DNMBP: variants seen among roughly 807,000 people sequenced by gnomAD.
The protein encoded by DNMBP is dynamin binding protein.
In DNMBP, 87 loss-of-function variants were observed where a neutral mutation model predicts 150.0. The ratio of observed to expected loss-of-function variants is 0.58; its 90% CI spans 0.49 to 0.69. The LOEUF is 0.69. Ranked by LOEUF, DNMBP falls within the 30% of genes least tolerant of loss-of-function variation. The pLI, the probability that DNMBP is intolerant of heterozygous loss-of-function variation, is 0.00. For missense variants in DNMBP, 1,774 were observed against 1,949.0 expected (o/e 0.91, Z 1.69); for synonymous variants, 711 against 750.4 (o/e 0.95, Z 0.86).
At chr10:99,958,957 T>C (rs1343085534) in intron 3 of DNMBP, among the ~76,000 whole-genome samples, 1 of 152,262 alleles carries the variant, frequency 6.6e-6, no homozygotes, top group Non-Finnish European at 1.5e-5. Context: ...TTTGCAATTA[T>C]TTGAAAAGAC....
intron 1 of DNMBP, among the ~76,000 whole-genome samples, chr10:99,988,017 G>C: frequency 6.6e-6 from 1 of 152,122 alleles, no homozygotes; most frequent in East Asian, 1.9e-4. Context: ...CCTGCTCAGA[G>C]GCAGGCGGGG....
chr10:99,968,412 C>A (rs956128615), intron 3 of DNMBP, among the ~76,000 whole-genome samples: 1 of 152,100 alleles, frequency 6.6e-6, no homozygotes, highest in Admixed American at 6.5e-5. Flanking sequence ...GTTGGTCAGG[C>A]GCAGTGACTC....
At position 99,955,475 on chromosome 10, in the gene DNMBP, G is replaced by A. The variant is rs773314168; in HGVS notation, c.1999C>T (p.Arg667Cys). 3 of 1,605,650 alleles carry A rather than the reference G, an allele frequency of 1.9e-6. No individual in the cohort carries two copies. Among genetic ancestry groups the A allele is most frequent in the East Asian group, 4.5e-5 (2 of 44,736 alleles). ...AVSPKLLSRH[R>C]PTCETLEKEG... ...TTTTCTAAGGTCTCACAGGTAGGAC[G>A]GTGTCGAGATAGGAGCTTGGGGGAT... Residue 667 changes from arginine to cysteine, a missense_variant, in exon 4 of 17, where the codon CGT becomes TGT. This residue lies in a region of DNMBP where 1,430 missense variants were observed against 1,492.5 expected (regional missense o/e 0.96). Coordinates refer to ENST00000324109, the MANE Select transcript of DNMBP (RefSeq NM_015221.4).
chr10:99,912,316 T>G (rs1405233709), intron 4 of DNMBP, among the ~76,000 whole-genome samples: 1 of 152,132 alleles, frequency 6.6e-6, no homozygotes, highest in East Asian at 1.9e-4. Context: ...CACTGTGTAC[T>G]CTCCTGAGAA....
At chr10:99,922,010 G>T (rs1243535531) in intron 4 of DNMBP, among the ~76,000 whole-genome samples, 1 of 151,912 alleles carries the variant, frequency 6.6e-6, no homozygotes, top group South Asian at 2.1e-4. Context: ...TTTATGATGA[G>T]AAGAAAGGGG....
At position 99,956,743 on chromosome 10, in the gene DNMBP, G is replaced by A; in HGVS notation, c.731C>T (p.Pro244Leu). The change falls in exon 4 of 17, where the codon CCA becomes CTA. Residue 244 changes from proline (P) to leucine (L), a missense_variant. This residue lies in a region of DNMBP where 344 missense variants were observed against 456.6 expected (regional missense o/e 0.75). Coordinates refer to ENST00000324109, the MANE Select transcript of DNMBP (RefSeq NM_015221.4). ...EIGPDEDEEEPGTYGVALYRF... is the reference protein window; with the variant it reads ...EIGPDEDEEELGTYGVALYRF... Reference sequence around the variant, plus strand: ...GTACAGGGCGACCCCATAGGTCCCTGGCTCCTCCTCATCCTCATCCGGCCC... The same window carrying A: ...GTACAGGGCGACCCCATAGGTCCCTAGCTCCTCCTCATCCTCATCCGGCCC... 1.2e-6 allele frequency: 2 copies of A among 1,614,080 alleles called. No individual in the cohort carries two copies. The highest frequency in any genetic ancestry group is 1.7e-6 in the Non-Finnish European group (2 of 1,180,016).
intron 4 of DNMBP, among the ~76,000 whole-genome samples, chr10:99,922,035 G>C (rs1337454321): frequency 5.3e-5 from 8 of 152,020 alleles, no homozygotes; most frequent in African/African-American, 1.9e-4. Flanking sequence ...TGACACTGTG[G>C]AACCAGGTCT....
At chr10:99,991,583 A>T (rs2040891859) in intron 1 of DNMBP, among the ~76,000 whole-genome samples, 1 of 151,690 alleles carries the variant, frequency 6.6e-6, no homozygotes, top group African/African-American at 2.4e-5. Flanking sequence ...ATCATTTTAA[A>T]ATAGAAATAT....
At chr10:99,930,099 G>C (rs764536732) in intron 4 of DNMBP, 1 of 702,660 alleles carries the variant, frequency 1.4e-6, no homozygotes, top group African/African-American at 1.7e-5. Context: ...GACACCATTC[G>C]AATCTGAAAA....
In DNMBP at chr10:99,896,376, T is replaced by A. The variant is rs758673804; in HGVS notation, c.2942A>T (p.Asp981Val). The change falls in exon 10 of 17, where the codon GAT becomes GTT. Residue 981 changes from aspartate to valine, a missense_variant. Asp to Val is a radical substitution (Grantham distance 152). Transcript: ENST00000324109. The part of the protein sequence containing the change: ...KDLVLKYRKG[D>V]EDSLMEKISK... Reference sequence around the variant, plus strand: ...AATTTTCTCCATAAGGCTATCTTCATCACCCTTACGGTACTTGAGGACTAG... The same window carrying A: ...AATTTTCTCCATAAGGCTATCTTCAACACCCTTACGGTACTTGAGGACTAG... 6 of 1,614,040 alleles carry A rather than the reference T, an allele frequency of 3.7e-6. No homozygotes were observed. The highest frequency in any genetic ancestry group is 5.1e-6 in the Non-Finnish European group (6 of 1,180,020).
chr10:99,900,118 A>G (rs778207967), intron 6 of DNMBP, 52 bp from the exon 7 acceptor site: 2 of 1,602,042 alleles, frequency 1.2e-6, no homozygotes, highest in Admixed American at 3.4e-5. Flanking sequence ...TCTTCTCAGT[A>G]TACTAAATGT....
chr10:99,900,333 G>A (rs772675643), intron 6 of DNMBP, among the ~76,000 whole-genome samples: 1 of 152,136 alleles, frequency 6.6e-6, no homozygotes, highest in Non-Finnish European at 1.5e-5. Context: ...AGGCTGGAGT[G>A]CAGTGGCACA....
chr10:99,987,940 T>C (rs181334199), intron 1 of DNMBP, among the ~76,000 whole-genome samples: 2 of 152,328 alleles, frequency 1.3e-5, no homozygotes, highest in East Asian at 1.9e-4. Context: ...TAATTAACTA[T>C]GTCCTAGAGA....
chr10:99,898,648 T>A, intron 8 of DNMBP, 95 bp downstream of exon 8: 1 of 1,351,006 alleles, frequency 7.4e-7, no homozygotes, highest in Non-Finnish European at 1.1e-6. Flanking sequence ...CTTCTAGGTT[T>A]GTCTATAAAG....
intron 15 of DNMBP, among the ~76,000 whole-genome samples, chr10:99,881,463 C>T (rs2039366463): frequency 1.3e-5 from 2 of 152,170 alleles, no homozygotes; most frequent in Admixed American, 6.5e-5. Context: ...TTAGGGATTG[C>T]GTGAGCATCC....
chr10:99,992,622 G>A (rs2040908319), intron 1 of DNMBP, among the ~76,000 whole-genome samples: 2 of 150,914 alleles, frequency 1.3e-5, no homozygotes, highest in Admixed American at 6.6e-5. Flanking sequence ...CACCTCCTGG[G>A]TTCACGCCAT....
At chr10:99,930,614 G>A in intron 4 of DNMBP, 2 of 702,922 alleles carry the variant, frequency 2.8e-6, no homozygotes, top group Non-Finnish European at 5.2e-6. Flanking sequence ...CCCAGTACCT[G>A]GGATCCAAGT....
chr10:99,877,176 T>A lies in DNMBP; in HGVS notation c.4709A>T (p.Tyr1570Phe), dbSNP rs758023853. The A allele has an allele frequency of 1.2e-6, 2 of 1,612,478 alleles. No individual in the cohort carries two copies. Among genetic ancestry groups the A allele is most frequent in the Non-Finnish European group, 1.7e-6 (2 of 1,179,404 alleles). ...NGKKGYVPSN[Y>F]IRKTEYT Reference sequence around the variant, plus strand: ...TCAGGTGTACTCGGTTTTGCGGATATAATTGGAGGGAACGTAGCCCTTCTT... The same window carrying A: ...TCAGGTGTACTCGGTTTTGCGGATAAAATTGGAGGGAACGTAGCCCTTCTT... Residue 1570 changes from tyrosine (Y) to phenylalanine (F), a missense_variant, in exon 17 of 17, where the codon TAT (tyrosine) becomes TTT (phenylalanine). By Grantham distance (22) the Tyr-to-Phe change is conservative. Coordinates refer to ENST00000324109, the MANE Select transcript of DNMBP (RefSeq NM_015221.4).
At chr10:99,968,327 C>G (rs1371096949) in intron 3 of DNMBP, among the ~76,000 whole-genome samples, 1 of 152,108 alleles carries the variant, frequency 6.6e-6, no homozygotes, top group Non-Finnish European at 1.5e-5. Flanking sequence ...CAAAGCCGTA[C>G]CCAGTTATTT....
Sources: allele counts gnomAD v4.1 joint callset (sites outside exome capture counted in the v4.1 genomes callset), GRCh38; gene constraint gnomAD v4.1.1; regional missense constraint gnomAD v4.1.1; transcripts MANE v1.5; gene names NCBI Gene and HGNC (gene_info 2026-07-23, HGNC 2026-07-21).